The following MRPS27 variants were observed in gnomAD, a reference collection of about 807,000 sequenced individuals.
MRPS27 encodes the protein small ribosomal subunit protein mS27.
MRPS27 carries 43 observed loss-of-function variants against 48.9 expected under a neutral mutation model. The ratio of observed to expected loss-of-function variants is 0.88; its 90% confidence interval spans 0.69 to 1.13. MRPS27 has a LOEUF of 1.13. Among genes scored for constraint, MRPS27 ranks in the 50% most tolerant of loss-of-function variants. The pLI, the probability that MRPS27 is intolerant of heterozygous loss-of-function variation, is 0.00. For missense variants in MRPS27, 467 were observed against 476.3 expected (o/e 0.98, Z 0.18); for synonymous variants, 188 against 171.9 (o/e 1.09, Z -0.73).
chr5:72,314,536 C>G (rs1449489928), intron 1 of MRPS27: 2 of 173,188 alleles, frequency 1.2e-5, no homozygotes, highest in Admixed American at 1.1e-4. Context: ...CCTGGTAGTT[C>G]CCTGCTCCTG....
At chr5:72,286,574 C>CA (rs145723034) in intron 4 of MRPS27, among the ~76,000 whole-genome samples, 32,954 of 151,182 alleles carry the variant, frequency 0.22, 4,558 homozygotes, top group Non-Finnish European at 0.32. Flanking sequence ...AACATACACA[C>CA]AAAAAAAAAT....
chr5:72,272,955 AT>A (rs1749284815), intron 4 of MRPS27, among the ~76,000 whole-genome samples: 1 of 152,112 alleles, frequency 6.6e-6, no homozygotes, highest in Non-Finnish European at 1.5e-5. Flanking sequence ...AGTGTTATAT[AT>A]GTTTAAAATT....
At chr5:72,290,784 G>C (rs1415433916) in intron 4 of MRPS27, among the ~76,000 whole-genome samples, 1 of 152,162 alleles carries the variant, frequency 6.6e-6, no homozygotes, top group African/African-American at 2.4e-5. Flanking sequence ...ATTAACATGG[G>C]ATATAAAAAT....
chr5:72,318,072 G>A (rs147895648), intron 1 of MRPS27, among the ~76,000 whole-genome samples: 107 of 152,306 alleles, frequency 7.0e-4, no homozygotes, highest in African/African-American at 2.5e-3. Context: ...TAATATTTTA[G>A]TTAAGTTTAC....
At chr5:72,287,734 A>G (rs998225289) in intron 4 of MRPS27, among the ~76,000 whole-genome samples, 5 of 152,292 alleles carry the variant, frequency 3.3e-5, no homozygotes, top group Non-Finnish European at 5.9e-5. Flanking sequence ...TAAAGCCACA[A>G]TAAGATACCA....
At chr5:72,222,177 G>C (rs1422323089) in intron 10 of MRPS27, among the ~76,000 whole-genome samples, 1 of 152,170 alleles carries the variant, frequency 6.6e-6, no homozygotes, top group African/African-American at 2.4e-5. Context: ...TCAGGCAACA[G>C]GAAGAAAAGG....
chr5:72,268,709 G>A (rs1319698420), intron 4 of MRPS27, among the ~76,000 whole-genome samples: 1 of 152,176 alleles, frequency 6.6e-6, no homozygotes, highest in Non-Finnish European at 1.5e-5. Flanking sequence ...CAAAAGAGGA[G>A]CAAACATATC....
intron 4 of MRPS27, among the ~76,000 whole-genome samples, chr5:72,292,076 C>G (rs1749835159): frequency 6.6e-6 from 1 of 151,906 alleles, no homozygotes; most frequent in Non-Finnish European, 1.5e-5. Flanking sequence ...TTTAAGTTTT[C>G]TTTATTTGTC....
At chr5:72,244,064 G>T (rs1026927858) in intron 4 of MRPS27, among the ~76,000 whole-genome samples, 1 of 151,970 alleles carries the variant, frequency 6.6e-6, no homozygotes, top group Non-Finnish European at 1.5e-5. Flanking sequence ...ATCATCTATT[G>T]GTTGGTTTAT....
Position 72,234,040 on chromosome 5 carries a change from G to C in MRPS27, c.475+79C>G. 2.3e-6 allele frequency: 3 copies of C among 1,325,188 alleles called. No homozygotes were observed. In the African/African-American group the frequency reaches 4.6e-5, roughly 20 times the overall value. 82.1% of individuals were successfully genotyped at this position (1,325,188 alleles called of 1,614,324 possible). On this transcript the variant is annotated intron_variant, in intron 6 of 10. Coordinates refer to ENST00000261413, the MANE Select transcript of MRPS27 (RefSeq NM_015084.3). ...AGAGATGTTATTAAGAAATAAAAAA[G>C]GGGAAGTTCCTACATTTGTACACCT...
At chr5:72,288,346 T>C (rs965062787) in intron 4 of MRPS27, among the ~76,000 whole-genome samples, 3 of 152,172 alleles carry the variant, frequency 2.0e-5, no homozygotes, top group African/African-American at 7.2e-5. Context: ...TAGCTGGGTC[T>C]ACAGGCGCCC....
intron 8 of MRPS27, 174 bp from the exon 9 acceptor site, chr5:72,226,373 T>A: frequency 7.5e-6 from 5 of 668,214 alleles, no homozygotes; most frequent in Non-Finnish European, 1.2e-5. Flanking sequence ...AGATGGATAA[T>A]GACGAATGTG....
chr5:72,239,804 C>T (rs1272783741), intron 4 of MRPS27, among the ~76,000 whole-genome samples: 4 of 152,130 alleles, frequency 2.6e-5, no homozygotes, highest in Non-Finnish European at 5.9e-5. Context: ...CTAAGCCTCT[C>T]GAGTAGCTGG....
At chr5:72,276,750 C>T (rs1368212911) in intron 4 of MRPS27, among the ~76,000 whole-genome samples, 3 of 150,546 alleles carry the variant, frequency 2.0e-5, no homozygotes, top group Admixed American at 6.6e-5. Context: ...GTGAGCAAAG[C>T]GCCAGGCGTG....
chr5:72,226,509 G>A (rs575214184), intron 8 of MRPS27, among the ~76,000 whole-genome samples: 3 of 152,208 alleles, frequency 2.0e-5, no homozygotes, highest in African/African-American at 7.2e-5. Context: ...TGACATATAT[G>A]GCTCTAGGTA....
rs76073833 is a variant in MRPS27, at chr5:72,308,284, C to G, written c.151+5797G>C. 2.8e-4 allele frequency among the ~76,000 whole-genome samples: 42 copies of G among 152,376 alleles called. No individual in the cohort carries two copies. In the East Asian group the frequency reaches 4.8e-3, roughly 17 times the overall value. On this transcript the variant is annotated intron_variant, in intron 2 of 10. Transcript: ENST00000261413. ...CAGAACCTCTCTCTCGCCGTACTCCCCGGCAGGGCACGGCTCAGGGGAGAC... is the reference window on the plus strand; with the variant it reads ...CAGAACCTCTCTCTCGCCGTACTCCGCGGCAGGGCACGGCTCAGGGGAGAC...
chr5:72,229,125 G>C (rs1341708255), intron 7 of MRPS27: 1 of 152,130 alleles, frequency 6.6e-6, no homozygotes, highest in Admixed American at 6.6e-5. Flanking sequence ...GATCTTCTTG[G>C]TGCCACATGA....
At chr5:72,267,179 C>G (rs1749125592) in intron 4 of MRPS27, among the ~76,000 whole-genome samples, 1 of 152,208 alleles carries the variant, frequency 6.6e-6, no homozygotes, top group Admixed American at 6.5e-5. Context: ...TTTGGCATAA[C>G]TATACGGAGT....
rs1394661268 is a variant in MRPS27 at position 72,306,265 on chromosome 5, T to C, written c.151+7816A>G. Reference sequence around the variant, plus strand: ...TGATAAAATTTAAACAGCAATAGTATGCAGCTTCAAATGAAATAACAAATC... The same window carrying C: ...TGATAAAATTTAAACAGCAATAGTACGCAGCTTCAAATGAAATAACAAATC... On this transcript the variant is annotated intron_variant, in intron 2 of 10. Coordinates refer to ENST00000261413, the MANE Select transcript of MRPS27 (RefSeq NM_015084.3). Among the ~76,000 whole-genome samples the C allele has an allele frequency of 2.0e-5, 3 of 152,226 alleles. No homozygotes were observed. The East Asian group carries it at 5.8e-4, about 29-fold the overall frequency.
Sources: allele counts gnomAD v4.1 joint callset (sites outside exome capture counted in the v4.1 genomes callset), GRCh38; gene constraint gnomAD v4.1.1; transcripts MANE v1.5; gene names NCBI Gene and HGNC (gene_info 2026-07-23, HGNC 2026-07-21).